SUMF1: variants seen among roughly 807,000 people sequenced by gnomAD.
SUMF1 encodes the protein sulfatase modifying factor 1.
A neutral mutation model predicts 47.6 loss-of-function variants in SUMF1; 48 were observed. That is an observed-to-expected ratio of 1.01 (90% confidence interval 0.80 to 1.28). The LOEUF is 1.28. Among genes scored for constraint, SUMF1 ranks in the 50% most tolerant of loss-of-function variants. The pLI is 0.00. For missense variants in SUMF1, 571 were observed against 485.4 expected, an observed-to-expected ratio of 1.18 and a Z score of -1.66; for synonymous variants, 230 against 192.1, an observed-to-expected ratio of 1.20 and a Z score of -1.63.
At chr3:4,153,560 G>A (rs1574932442) in intron 8 of SUMF1, among the ~76,000 whole-genome samples, 1 of 147,142 alleles carries the variant, frequency 6.8e-6, no homozygotes, top group African/African-American at 2.5e-5. Context: ...TTTTTCCACT[G>A]TTCAATGACA....
At chr3:4,180,078 G>A (rs142278887) in intron 8 of SUMF1, among the ~76,000 whole-genome samples, 4,767 of 152,150 alleles carry the variant, frequency 0.031, 273 homozygotes, top group African/African-American at 0.11. Context: ...AAATAGGAAC[G>A]CTTTTACACT....
intron 3 of SUMF1, among the ~76,000 whole-genome samples, chr3:4,426,479 C>T (rs111694336): frequency 1.7e-4 from 26 of 152,234 alleles, no homozygotes; most frequent in African/African-American, 6.3e-4. Flanking sequence ...CCAAGTGTCA[C>T]TGTTTCTAAA....
chr3:4,272,823 C>T (rs377217526), intron 8 of SUMF1, among the ~76,000 whole-genome samples: 22 of 151,976 alleles, frequency 1.4e-4, no homozygotes, highest in African/African-American at 4.8e-4. Context: ...CTTGTAATCC[C>T]AGCACTGTGG....
At chr3:4,277,380 A>C (rs1697440869) in intron 8 of SUMF1, among the ~76,000 whole-genome samples, 1 of 152,168 alleles carries the variant, frequency 6.6e-6, no homozygotes, top group Admixed American at 6.6e-5. Flanking sequence ...TCTAACATTA[A>C]ATTAAAAACC....
chr3:4,081,061 C>T (rs1692549402), intron 8 of SUMF1, among the ~76,000 whole-genome samples: 1 of 152,124 alleles, frequency 6.6e-6, no homozygotes, highest in Non-Finnish European at 1.5e-5. Flanking sequence ...AGTGACTGCC[C>T]AGGTTTCAAG....
intron 8 of SUMF1, among the ~76,000 whole-genome samples, chr3:4,110,075 G>C (rs1040467312): frequency 1.3e-5 from 2 of 152,088 alleles, no homozygotes; most frequent in African/African-American, 2.4e-5. Flanking sequence ...TTTGGTCTTT[G>C]ATGATGGTGA....
At chr3:4,391,219 GA>G (rs1421394878) in intron 7 of SUMF1, among the ~76,000 whole-genome samples, 2 of 152,008 alleles carry the variant, frequency 1.3e-5, no homozygotes, top group African/African-American at 2.4e-5. Context: ...GTGTCAATAT[GA>G]TTTGTCCAGG....
chr3:4,449,358 A>T lies in SUMF1; in HGVS notation c.445-18T>A, dbSNP rs766476567. On this transcript the variant is annotated intron_variant, in intron 2 of 8. Coordinates refer to ENST00000272902, the MANE Select transcript of SUMF1 (RefSeq NM_182760.4). ...TTCTCAGCCTATAAGGAAGGTAGGA[A>T]ATAAAAATCCAGAAAAGGTTGTAGT... 5 of 1,613,844 alleles carry T rather than the reference A, an allele frequency of 3.1e-6. No individual in the cohort carries two copies. Among genetic ancestry groups the T allele is most frequent in the Non-Finnish European group, 3.4e-6 (4 of 1,179,732 alleles).
At chr3:4,443,594 T>C (rs1400536426) in intron 3 of SUMF1, among the ~76,000 whole-genome samples, 1 of 151,988 alleles carries the variant, frequency 6.6e-6, no homozygotes, top group Non-Finnish European at 1.5e-5. Flanking sequence ...TGAGACATCA[T>C]CTCTACTAAA....
intron 8 of SUMF1, among the ~76,000 whole-genome samples, chr3:4,296,217 T>G (rs911419593): frequency 6.6e-6 from 1 of 152,014 alleles, no homozygotes; most frequent in Non-Finnish European, 1.5e-5. Flanking sequence ...ATTTCTTATT[T>G]TGTACTACTG....
At chr3:4,437,511 T>C (rs1212590489) in intron 3 of SUMF1, among the ~76,000 whole-genome samples, 2 of 152,000 alleles carry the variant, frequency 1.3e-5, no homozygotes, top group Non-Finnish European at 2.9e-5. Flanking sequence ...TAGAATTAAA[T>C]CCAAAAATGT....
intron 8 of SUMF1, among the ~76,000 whole-genome samples, chr3:4,231,778 G>T (rs1342042578): frequency 1.3e-5 from 2 of 152,002 alleles, no homozygotes; most frequent in African/African-American, 4.8e-5. Flanking sequence ...GGCAATGGGA[G>T]GTAAATATGT....
chr3:4,257,919 G>C (rs1487469169), intron 8 of SUMF1, among the ~76,000 whole-genome samples: 1 of 151,634 alleles, frequency 6.6e-6, no homozygotes, highest in Non-Finnish European at 1.5e-5. Context: ...CAGAGATATA[G>C]ATCAATGGAA....
chr3:4,457,391 A>C (rs1035675221), intron 1 of SUMF1, among the ~76,000 whole-genome samples: 1 of 150,350 alleles, frequency 6.7e-6, no homozygotes, highest in African/African-American at 2.5e-5. Context: ...GGAAATAGAA[A>C]AAAAAATCCT....
intron 8 of SUMF1, among the ~76,000 whole-genome samples, chr3:4,365,728 T>A (rs1366480621): frequency 3.4e-5 from 5 of 148,646 alleles, no homozygotes; most frequent in Non-Finnish European, 7.5e-5. Context: ...TTAAAGTTAA[T>A]ATTGTTATGT....
intron 7 of SUMF1, 64 bp from the exon 8 acceptor site, chr3:4,376,453 G>A (rs375919337): frequency 1.3e-6 from 2 of 1,533,120 alleles, no homozygotes; most frequent in South Asian, 1.1e-5. Flanking sequence ...CACAGTGGGA[G>A]AGAATCCACT....
intron 8 of SUMF1, among the ~76,000 whole-genome samples, chr3:4,264,054 AC>A (rs369468635): frequency 4.2e-4 from 64 of 152,308 alleles, no homozygotes; most frequent in African/African-American, 1.4e-3. Context: ...TCTCCTAGTG[AC>A]AAAAGAGAAG....
At chr3:4,138,811 T>C (rs1694005642) in intron 8 of SUMF1, among the ~76,000 whole-genome samples, 2 of 152,094 alleles carry the variant, frequency 1.3e-5, no homozygotes, top group South Asian at 4.1e-4. Context: ...TCCTGGGTTC[T>C]GTAAGTCATT....
intron 8 of SUMF1, among the ~76,000 whole-genome samples, chr3:4,221,512 G>C (rs748702476): frequency 6.6e-6 from 1 of 151,716 alleles, no homozygotes; most frequent in Non-Finnish European, 1.5e-5. Context: ...ATAACCTGAT[G>C]TCCATAGTTC....
Sources: allele counts gnomAD v4.1 joint callset (sites outside exome capture counted in the v4.1 genomes callset), GRCh38; gene constraint gnomAD v4.1.1; transcripts MANE v1.5; gene names NCBI Gene and HGNC (gene_info 2026-07-23, HGNC 2026-07-21).